The following MTCL1 variants were observed in gnomAD, a reference collection of about 807,000 sequenced individuals.
The protein encoded by MTCL1 is microtubule cross-linking factor 1.
MTCL1 carries 79 observed loss-of-function variants against 141.4 expected under a neutral mutation model. The ratio of observed to expected loss-of-function variants is 0.56; its 90% CI spans 0.47 to 0.67. The LOEUF is 0.67. Ranked by LOEUF, MTCL1 falls within the 30% of genes least tolerant of loss-of-function variation. MTCL1 has a pLI of 0.00. For synonymous variants in MTCL1, 914 were observed against 875.8 expected (o/e 1.04, Z -0.77); for missense variants, 2,177 against 2,113.9 (o/e 1.03, Z -0.59).
chr18:8,793,653 C>G (rs2075814332), intron 8 of MTCL1, among the ~76,000 whole-genome samples: 1 of 152,204 alleles, frequency 6.6e-6, no homozygotes, highest in South Asian at 2.1e-4. Context: ...GATGTGGGCA[C>G]TCGTCGCCCT....
chr18:8,712,058 T>C (rs1394736539), intron 1 of MTCL1, among the ~76,000 whole-genome samples: 2 of 152,230 alleles, frequency 1.3e-5, no homozygotes, highest in Non-Finnish European at 2.9e-5. Context: ...AAAATGCTTT[T>C]AGCAGCCATA....
chr18:8,786,698 A>T (rs2096557289), intron 7 of MTCL1: 1 of 246,426 alleles, frequency 4.1e-6, no homozygotes, highest in African/African-American at 2.2e-5. Context: ...AAGCTCTTAG[A>T]TGCGGGTCAC....
At position 8,783,520 on chromosome 18, in the gene MTCL1, C is replaced by G. The variant is rs1486455447; in HGVS notation, c.418-10C>G. ...AATAACCCTTCTCCCGGGCTGTTCT[C>G]TCCTGGCAGGATGACAGTGCCGATT... On this transcript the variant is annotated splice_polypyrimidine_tract_variant and intron_variant, in intron 5 of 16. Transcript: ENST00000359865. 1 of 1,591,940 alleles carries G rather than the reference C, an allele frequency of 6.3e-7. No homozygotes were observed. Among genetic ancestry groups the G allele is most frequent in the Non-Finnish European group, 8.6e-7 (1 of 1,164,632 alleles).
At chr18:8,790,001 G>A (rs2075664537) in intron 7 of MTCL1, among the ~76,000 whole-genome samples, 3 of 152,174 alleles carry the variant, frequency 2.0e-5, no homozygotes, top group African/African-American at 7.2e-5. Flanking sequence ...AGCAAAAATG[G>A]ACAATAAAGG....
intron 8 of MTCL1, 86 bp from the exon 8 acceptor site, chr18:8,796,146 G>A: frequency 1.5e-6 from 2 of 1,305,146 alleles, no homozygotes; most frequent in Non-Finnish European, 2.2e-6. Context: ...CAGAGACTGA[G>A]TGGCAGTTTG....
intron 4 of MTCL1, among the ~76,000 whole-genome samples, chr18:8,735,856 C>T (rs1549075): frequency 0.26 from 38,926 of 152,040 alleles, 6,174 homozygotes; most frequent in Admixed American, 0.41. Context: ...GCAGACAGGA[C>T]CTTGTGCCAG....
intron 4 of MTCL1, among the ~76,000 whole-genome samples, chr18:8,774,993 A>G (rs2143195935): frequency 6.6e-6 from 1 of 152,244 alleles, no homozygotes; most frequent in African/African-American, 2.4e-5. Flanking sequence ...AGAAGAGTCC[A>G]TCCAAGGGCT....
chr18:8,828,771 C>T lies in MTCL1; in HGVS notation c.4723-137C>T. On this transcript the variant is annotated intron_variant, in intron 15 of 16. Coordinates refer to ENST00000359865, the Ensembl canonical transcript of MTCL1. The surrounding 1 kb of genome is among the most constrained non-coding windows in gnomAD (Gnocchi z 5.2). ...AGATCTGAGAGCCCGCAAGTCTCTC[C>T]TGGTGGCTACCCCTGAGCGAGAGGG... The T allele has an allele frequency of 3.5e-6, 5 of 1,431,752 alleles. No homozygotes were observed. The highest frequency in any genetic ancestry group is 4.7e-6 in the Non-Finnish European group (5 of 1,064,200). 88.7% of individuals were successfully genotyped at this position (1,431,752 alleles called of 1,614,324 possible).
At chr18:8,823,544 CA>C (rs1274995899) in intron 14 of MTCL1, among the ~76,000 whole-genome samples, 2 of 152,252 alleles carry the variant, frequency 1.3e-5, no homozygotes, top group African/African-American at 4.8e-5. Context: ...GACCTTGGGA[CA>C]AATCAACCCA....
chr18:8,777,765 G>A (rs1268464261), intron 4 of MTCL1, 68 bp from the exon 4 acceptor site: 6 of 1,433,620 alleles, frequency 4.2e-6, no homozygotes, highest in South Asian at 2.3e-5. Context: ...CCATGGGGAC[G>A]ATGTTTGCTA....
In MTCL1 at chr18:8,786,041, G is replaced by A. The variant is rs770066213; in HGVS notation, c.1837G>A (p.Gly613Arg). ...GCGGGAGCTGCACCGCCGCGCAGAC[G>A]GGGACACCGGGAGCCACGGGCTGGG... Residue 613 changes from glycine to arginine, a missense_variant, in exon 7 of 17, where the codon GGG (glycine) becomes AGG (arginine). Gly to Arg is a moderately radical substitution (Grantham distance 125). Coordinates refer to ENST00000359865, the Ensembl canonical transcript of MTCL1. The A allele has an allele frequency of 1.2e-4, 188 of 1,602,650 alleles. No homozygotes were observed. Among genetic ancestry groups the A allele is most frequent in the Admixed American group, 2.2e-4 (13 of 58,840 alleles).
At chr18:8,745,013 T>G (rs987829688) in intron 4 of MTCL1, among the ~76,000 whole-genome samples, 3 of 152,204 alleles carry the variant, frequency 2.0e-5, no homozygotes, top group African/African-American at 7.2e-5. Context: ...TGCAAAGACA[T>G]TACAGCTGCC....
At chr18:8,705,609 CCGT>C (rs1237143029), upstream of MTCL1, 33 of 1,191,154 alleles carry the variant, frequency 2.8e-5, no homozygotes, top group African/African-American at 3.9e-4. This position sits in a 1 kb window ranked among gnomAD's most constrained non-coding sequence, Gnocchi z 5.2. Flanking sequence ...GCCGCCGCCG[CCGT>C]CGTCGTCCGG....
At chr18:8,761,203 C>T (rs1315895053) in intron 4 of MTCL1, among the ~76,000 whole-genome samples, 1 of 152,146 alleles carries the variant, frequency 6.6e-6, no homozygotes, top group Non-Finnish European at 1.5e-5. Flanking sequence ...GGGCTGTTCA[C>T]ATGGAAGGTG....
intron 4 of MTCL1, among the ~76,000 whole-genome samples, chr18:8,761,529 GTTCT>G (rs1049038746): frequency 6.6e-6 from 1 of 152,072 alleles, no homozygotes; most frequent in Non-Finnish European, 1.5e-5. Flanking sequence ...GGTGACCTCT[GTTCT>G]TTCTATCTCT....
intron 4 of MTCL1, among the ~76,000 whole-genome samples, chr18:8,746,053 C>T (rs757865149): frequency 5.9e-5 from 9 of 152,226 alleles, no homozygotes; most frequent in Admixed American, 1.3e-4. Flanking sequence ...GCTTGGTCCA[C>T]GTTGCAGCAT....
chr18:8,794,943 C>A (rs1191788543), intron 8 of MTCL1, among the ~76,000 whole-genome samples: 1 of 152,162 alleles, frequency 6.6e-6, no homozygotes, highest in Non-Finnish European at 1.5e-5. Flanking sequence ...ATACACTTCC[C>A]CCACCCAAAA....
chr18:8,718,743 G>A, intron 3 of MTCL1, 95 bp downstream of exon 2: 1 of 1,107,074 alleles, frequency 9.0e-7, no homozygotes, highest in South Asian at 1.3e-5. Flanking sequence ...GCTTGTGTCT[G>A]TCTCTACAGA....
exon 17 of MTCL1, chr18:8,831,673 A>G: frequency 6.4e-7 from 1 of 1,550,604 alleles, no homozygotes; most frequent in East Asian, 2.4e-5. Context: ...GAGACCAGCA[A>G]ACCGTCGCCC....
Sources: allele counts gnomAD v4.1 joint callset (sites outside exome capture counted in the v4.1 genomes callset), GRCh38; gene constraint gnomAD v4.1.1; non-coding constraint Gnocchi (gnomAD v3.1); transcripts MANE v1.5; gene names NCBI Gene and HGNC (gene_info 2026-07-23, HGNC 2026-07-21).